TCF12: variants seen among roughly 807,000 people sequenced by gnomAD.
TCF12 encodes the protein DNA-binding protein HTF4.
In TCF12, 45 loss-of-function variants were observed where a neutral mutation model predicts 86.0. The ratio of observed to expected loss-of-function variants is 0.52; its 90% CI spans 0.41 to 0.67. The LOEUF (loss-of-function observed/expected upper bound fraction) is 0.67. Among genes scored for constraint, TCF12 ranks in the 30% least tolerant of loss-of-function variants. The pLI is 0.00. For missense variants in TCF12, 881 were observed against 859.9 expected, an observed-to-expected ratio of 1.02 and a Z score of -0.31; for synonymous variants, 330 against 299.6, an observed-to-expected ratio of 1.10 and a Z score of -1.05.
chr15:57,237,100 T>C (rs2059411320), intron 12 of TCF12, among the ~76,000 whole-genome samples: 1 of 152,042 alleles, frequency 6.6e-6, no homozygotes, highest in African/African-American at 2.4e-5. Context: ...TTTGTGATAA[T>C]TTATGTTTTG....
intron 3 of TCF12, among the ~76,000 whole-genome samples, chr15:57,058,867 A>C (rs1327400381): frequency 6.6e-6 from 1 of 152,226 alleles, no homozygotes; most frequent in Non-Finnish European, 1.5e-5. Context: ...AATGTGAAAA[A>C]TACAATAAAA....
intron 3 of TCF12, among the ~76,000 whole-genome samples, chr15:56,927,990 A>G (rs763388582): frequency 2.0e-5 from 3 of 152,170 alleles, no homozygotes; most frequent in Non-Finnish European, 4.4e-5. Context: ...CTGTGCTTAT[A>G]GAAATGGAGT....
intron 4 of TCF12, among the ~76,000 whole-genome samples, chr15:57,087,506 A>G (rs1185392014): frequency 1.3e-5 from 2 of 151,802 alleles, no homozygotes; most frequent in Non-Finnish European, 2.9e-5. Flanking sequence ...GTCTGTTGTC[A>G]TACTGTAGCA....
intron 3 of TCF12, among the ~76,000 whole-genome samples, chr15:57,057,971 T>C (rs1473078470): frequency 6.6e-6 from 1 of 152,220 alleles, no homozygotes; most frequent in African/African-American, 2.4e-5. Flanking sequence ...GGGAGAATAC[T>C]TGGTTCTCAG....
intron 3 of TCF12, among the ~76,000 whole-genome samples, chr15:56,989,771 G>A (rs1281601611): frequency 1.3e-5 from 2 of 152,130 alleles, no homozygotes; most frequent in African/African-American, 4.8e-5. Context: ...TGAACTTGAT[G>A]CACCCTCTTC....
chr15:57,170,174 A>G (rs1218221060), intron 6 of TCF12, among the ~76,000 whole-genome samples: 2 of 152,148 alleles, frequency 1.3e-5, no homozygotes, highest in African/African-American at 2.4e-5. Flanking sequence ...TTTTGACTAT[A>G]TGACTATACT....
intron 12 of TCF12, among the ~76,000 whole-genome samples, chr15:57,236,188 C>T (rs776841091): frequency 4.6e-5 from 7 of 152,148 alleles, no homozygotes; most frequent in Non-Finnish European, 8.8e-5. Context: ...ATTTCAAATC[C>T]CTTCCTTCAA....
chr15:57,243,870 A>G (rs764346161), intron 13 of TCF12, among the ~76,000 whole-genome samples: 21 of 152,078 alleles, frequency 1.4e-4, no homozygotes, highest in Non-Finnish European at 2.5e-4. Flanking sequence ...AATGAAATCA[A>G]AAGTTTTTCT....
chr15:57,132,028 G>A (rs1234760986), intron 5 of TCF12, among the ~76,000 whole-genome samples: 1 of 152,148 alleles, frequency 6.6e-6, no homozygotes, highest in African/African-American at 2.4e-5. Context: ...GCATGTACCT[G>A]TAGTCCCAGC....
chr15:57,251,413 T>G lies in TCF12; in HGVS notation c.1178T>G (p.Leu393Arg). 1 of 1,613,906 alleles carries G rather than the reference T, an allele frequency of 6.2e-7. No individual in the cohort carries two copies. The highest frequency in any genetic ancestry group is 1.1e-5 in the South Asian group (1 of 91,080). The stretch of plus-strand genomic sequence containing the variant: ...TCATCCCCAAGCTATGAAAACTCAC[T>G]CCACTCCCTGGTAAGAGCCTCTTAT... Reference protein sequence around the residue: ...APSSPSYENSLHSLKNRVEQQ... With the variant: ...APSSPSYENSRHSLKNRVEQQ... The change falls in exon 14 of 21, where the codon CTC becomes CGC. Residue 393 changes from leucine to arginine, a missense_variant. Leu to Arg is a moderately radical substitution (Grantham distance 102). Coordinates refer to ENST00000333725, the MANE Select transcript of TCF12 (RefSeq NM_207037.2).
At chr15:56,959,563 A>G (rs1299216318) in intron 3 of TCF12, among the ~76,000 whole-genome samples, 4 of 152,234 alleles carry the variant, frequency 2.6e-5, no homozygotes, top group South Asian at 2.1e-4. Context: ...AGCTGAAGCA[A>G]TAATTCAGTT....
rs2290938 is a variant in TCF12 at position 57,232,659 on chromosome 15, T to C, written c.826-53T>C. ...CCTGTTATCATAGTTGTCCATTTTA[T>C]GTGAATATTATTCAGAAAATATATT... On this transcript the variant is annotated intron_variant, in intron 10 of 20. Coordinates refer to ENST00000333725, the MANE Select transcript of TCF12 (RefSeq NM_207037.2). 779,989 of 1,553,740 alleles carry C rather than the reference T, an allele frequency of 0.5. 205,415 individuals are homozygous for C. Among genetic ancestry groups the C allele is most frequent in the Non-Finnish European group, 0.54 (622,094 of 1,147,104 alleles).
chr15:57,121,983 A>G (rs1238866869), intron 5 of TCF12, among the ~76,000 whole-genome samples: 1 of 152,000 alleles, frequency 6.6e-6, no homozygotes, highest in Non-Finnish European at 1.5e-5. Context: ...ATTAGAATAA[A>G]ATAGAGATTT....
intron 3 of TCF12, among the ~76,000 whole-genome samples, chr15:57,012,597 CAG>C (rs746900521): frequency 1.3e-5 from 2 of 152,160 alleles, no homozygotes; most frequent in Non-Finnish European, 2.9e-5. Context: ...ATCTGTGAAA[CAG>C]AGGGGAAGGA....
chr15:57,037,723 T>G (rs1371600570), intron 3 of TCF12, among the ~76,000 whole-genome samples: 1 of 152,252 alleles, frequency 6.6e-6, no homozygotes, highest in East Asian at 1.9e-4. Flanking sequence ...AGTATCAATT[T>G]TAGTACTGAT....
chr15:56,997,655 GAC>G (rs1408276066), intron 3 of TCF12, among the ~76,000 whole-genome samples: 1 of 152,090 alleles, frequency 6.6e-6, no homozygotes, highest in Non-Finnish European at 1.5e-5. Flanking sequence ...TAACCCAAAA[GAC>G]AGGAAAGGGG....
At chr15:57,276,336 T>C (rs150638222) in intron 19 of TCF12, among the ~76,000 whole-genome samples, 143 of 152,324 alleles carry the variant, frequency 9.4e-4, no homozygotes, top group African/African-American at 3.4e-3. Flanking sequence ...AGACTTAGCA[T>C]ATGCAGTGAT....
At chr15:57,282,731 C>T in intron 20 of TCF12, 133 bp downstream of exon 20, 2 of 1,140,742 alleles carry the variant, frequency 1.8e-6, no homozygotes, top group Non-Finnish European at 2.4e-6. Flanking sequence ...TGAAATATAA[C>T]AGTTTGTCTT....
chr15:57,264,585 CACAA>C (rs1163486657), intron 18 of TCF12, among the ~76,000 whole-genome samples: 3 of 151,956 alleles, frequency 2.0e-5, no homozygotes, highest in Middle Eastern at 3.2e-3. Context: ...AAAACTAAGA[CACAA>C]ACACACATGT....
Sources: gnomAD v4.1 joint callset for allele counts (sites outside exome capture counted in the v4.1 genomes callset) on GRCh38, gnomAD v4.1.1 for gene constraint, MANE v1.5 for transcripts, NCBI Gene and HGNC (gene_info 2026-07-23, HGNC 2026-07-21) for gene names.